Variants in ZBED4 observed in about 807,000 individuals in gnomAD.
ZBED4 encodes the protein zinc finger BED domain-containing protein 4.
Under a neutral mutation model 15.5 loss-of-function variants are expected in ZBED4, and 4 were observed. The observed-to-expected ratio is 0.26, with a 90% CI of 0.13 to 0.59. The LOEUF is 0.59. ZBED4 is among the 20% of genes least tolerant of loss of function. The probability of loss-of-function intolerance (pLI) is 0.90; values close to 1 mark genes in which losing one functional copy is unlikely to be tolerated. For missense variants in ZBED4, 1,323 were observed against 1,461.8 expected, an observed-to-expected ratio of 0.91 and a Z score of 1.55; for synonymous variants, 692 against 608.5, an observed-to-expected ratio of 1.14 and a Z score of -2.02.
At position 49,888,132 on chromosome 22, in the gene ZBED4, A is replaced by G. The variant is rs1207126383; in HGVS notation, c.*954A>G. ...TTGTAAGAATAGCCTTAGTGTTTAG[A>G]TTTTTTTATGATAGGGAAGATGCGG... On this transcript the variant is annotated 3_prime_UTR_variant, in exon 2 of 2. Transcript: ENST00000216268. 6.0e-6 allele frequency: 1 copy of G among 167,176 alleles called. No individual in the cohort carries two copies. The highest frequency in any genetic ancestry group is 6.5e-5 in the Admixed American group (1 of 15,284). 10.4% of individuals were successfully genotyped at this position (167,176 alleles called of 1,614,324 possible). A position where few individuals can be genotyped will look rare whatever the true frequency, so the allele number is the denominator to read the frequency against.
At chr22:49,865,758 A>G (rs1262688849) in intron 1 of ZBED4, among the ~76,000 whole-genome samples, 1 of 151,746 alleles carries the variant, frequency 6.6e-6, no homozygotes, top group Non-Finnish European at 1.5e-5. Flanking sequence ...GGAAGGACTC[A>G]TGGAACAAGA....
intron 1 of ZBED4, among the ~76,000 whole-genome samples, chr22:49,862,383 C>T (rs755352778): frequency 1.7e-4 from 26 of 152,240 alleles, no homozygotes; most frequent in African/African-American, 5.3e-4. Flanking sequence ...GGACTACGGG[C>T]GTAAGCCACT....
chr22:49,869,283 C>T (rs187053041), intron 1 of ZBED4, among the ~76,000 whole-genome samples: 22 of 152,224 alleles, frequency 1.4e-4, no homozygotes, highest in Admixed American at 4.6e-4. Flanking sequence ...CTAGTGCTTC[C>T]GCTGGAAGGG....
In ZBED4 at chr22:49,884,702, G is replaced by A; in HGVS notation, c.1040G>A (p.Gly347Asp). The A allele has an allele frequency of 6.3e-7, 1 of 1,597,152 alleles. No individual in the cohort carries two copies. Among genetic ancestry groups the A allele is most frequent in the East Asian group, 2.2e-5 (1 of 44,786 alleles). Residue 347 changes from glycine to aspartate, a missense_variant, in exon 2 of 2, where the codon GGC becomes GAC. Gly to Asp is a moderately conservative substitution (Grantham distance 94, BLOSUM62 -1). Coordinates refer to ENST00000216268, the MANE Select transcript of ZBED4 (RefSeq NM_014838.3). ...AIVLQENGGT[G>D]IPPLYSTPPT... ...GTGTTGCAGGAGAACGGGGGCACGG[G>A]CATCCCGCCACTGTACTCCACCCCT...
At position 49,883,616 on chromosome 22, in the gene ZBED4, C is replaced by T; in HGVS notation, c.-47C>T. The T allele has an allele frequency of 6.8e-7, 1 of 1,476,916 alleles. No individual in the cohort carries two copies. Among genetic ancestry groups the T allele is most frequent in the East Asian group, 2.3e-5 (1 of 43,572 alleles). The allele number at this position is 1,476,916 out of a possible 1,614,324, so 91.5% of individuals were successfully genotyped here. A position where few individuals can be genotyped will look rare whatever the true frequency, so the allele number is the denominator to read the frequency against. On this transcript the variant is annotated 5_prime_UTR_variant, in exon 2 of 2. Coordinates refer to ENST00000216268, the MANE Select transcript of ZBED4 (RefSeq NM_014838.3). ...CGGGGGCACAAATGAGCACTTGGATCAGTGTTTTATGAACCTAAGATACAG... is the reference window on the plus strand; with the variant it reads ...CGGGGGCACAAATGAGCACTTGGATTAGTGTTTTATGAACCTAAGATACAG...
chr22:49,878,301 C>CAAA (rs71196388), intron 1 of ZBED4, among the ~76,000 whole-genome samples: 68,933 of 106,594 alleles, frequency 0.65, 23,674 homozygotes, highest in East Asian at 0.82. Context: ...GACACTGTCT[C>CAAA]AAAAAAAAAA....
Position 49,883,403 on chromosome 22 carries a change from C to G in ZBED4, c.-260C>G. The G allele has an allele frequency of 2.9e-6, 1 of 340,898 alleles. No homozygotes were observed. The highest frequency in any genetic ancestry group is 4.4e-5 in the Admixed American group (1 of 22,948). The allele number at this position is 340,898 out of a possible 1,614,324, so 21.1% of individuals were successfully genotyped here. ...GATCCTGTCCTCAGGACCAGAAGCA[C>G]GTCTCTGCTGCACACATTGTTGTCT... On this transcript the variant is annotated 5_prime_UTR_variant, in exon 2 of 2. Coordinates refer to ENST00000216268, the MANE Select transcript of ZBED4 (RefSeq NM_014838.3).
Position 49,886,795 on chromosome 22 carries a change from G to C in ZBED4, c.3133G>C (p.Ala1045Pro), listed in dbSNP as rs753750726. 6.2e-7 allele frequency: 1 copy of C among 1,612,858 alleles called. No individual in the cohort carries two copies. Among genetic ancestry groups the C allele is most frequent in the Non-Finnish European group, 8.5e-7 (1 of 1,179,386 alleles). Reference protein sequence around the residue: ...LMNSTSEDVAASHRCDAGSPS... With the variant: ...LMNSTSEDVAPSHRCDAGSPS... ...GAATTCTACCTCAGAGGACGTGGCT[G>C]CCTCCCACAGGTGTGATGCTGGCTC... Residue 1045 changes from alanine (A) to proline (P), a missense_variant, in exon 2 of 2, where the codon GCC becomes CCC. By Grantham distance (27) the Ala-to-Pro change is conservative (BLOSUM62 -1). Transcript: ENST00000216268. The surrounding 1 kb of genome is among the most constrained non-coding windows in gnomAD (Gnocchi z 7.7).
In ZBED4 at chr22:49,885,097, T is replaced by C. The variant is rs200609130; in HGVS notation, c.1435T>C (p.Tyr479His). ...GGACAGCCTCAAGGCCGAGTGTCGG[T>C]ACTGCGGCTGTGCCATCAGCCGGGG... Reference protein sequence around the residue: ...PMDSLKAECRYCGCAISRGKK... With the variant: ...PMDSLKAECRHCGCAISRGKK... The change falls in exon 2 of 2, where the codon TAC becomes CAC. Residue 479 changes from tyrosine (Y) to histidine (H), a missense_variant. Around this residue, in one of 6 missense-constraint regions of ZBED4, gnomAD observed 429 missense variants for 397.9 expected, o/e 1.08. Coordinates refer to ENST00000216268, the MANE Select transcript of ZBED4 (RefSeq NM_014838.3). 1.9e-6 allele frequency: 3 copies of C among 1,613,752 alleles called. No individual in the cohort carries two copies. In the Admixed American group the frequency reaches 5.0e-5, roughly 27 times the overall value.
chr22:49,856,321 C>T (rs949834536), intron 1 of ZBED4, among the ~76,000 whole-genome samples: 4 of 152,212 alleles, frequency 2.6e-5, no homozygotes, highest in Middle Eastern at 3.2e-3. Flanking sequence ...TGAGGAGCAG[C>T]GTAAACCAGA....
chr22:49,887,270 T>C lies in ZBED4; in HGVS notation c.*92T>C, dbSNP rs554043744. 5.5e-5 allele frequency: 76 copies of C among 1,380,608 alleles called. No individual in the cohort carries two copies. The highest frequency in any genetic ancestry group is 7.2e-5 in the Non-Finnish European group (73 of 1,012,324). 85.5% of individuals were successfully genotyped at this position (1,380,608 alleles called of 1,614,324 possible). A position where few individuals can be genotyped will look rare whatever the true frequency, so the allele number is the denominator to read the frequency against. On this transcript the variant is annotated 3_prime_UTR_variant, in exon 2 of 2. Coordinates refer to ENST00000216268, the MANE Select transcript of ZBED4 (RefSeq NM_014838.3). ...ATGACCCGCTCTGCCCACGGCTGTGTACGACATCAGACCAGGCACTCTCAG... is the reference window on the plus strand; with the variant it reads ...ATGACCCGCTCTGCCCACGGCTGTGCACGACATCAGACCAGGCACTCTCAG...
At position 49,885,437 on chromosome 22, in the gene ZBED4, C is replaced by T. The variant is rs148466799; in HGVS notation, c.1775C>T (p.Pro592Leu). The T allele has an allele frequency of 4.3e-5, 70 of 1,609,780 alleles. No individual in the cohort carries two copies. Among genetic ancestry groups the T allele is most frequent in the Non-Finnish European group, 5.7e-5 (67 of 1,176,330 alleles). The change falls in exon 2 of 2, where the codon CCG (proline) becomes CTG (leucine). Residue 592 changes from proline to leucine, a missense_variant. By Grantham distance (98) the Pro-to-Leu change is moderately conservative. Around this residue, in one of 6 missense-constraint regions of ZBED4, gnomAD observed 429 missense variants for 397.9 expected, o/e 1.08. Transcript: ENST00000216268. ...CGRTISRGKK[P>L]TNLGTSCLLR... ...CGGACCATCAGCCGGGGGAAGAAGC[C>T]GACTAACTTGGGTACCAGCTGTCTT...
chr22:49,885,135 T>G lies in ZBED4; in HGVS notation c.1473T>G (p.Asp491Glu), dbSNP rs2060430913. 7 of 1,614,086 alleles carry G rather than the reference T, an allele frequency of 4.3e-6. No individual in the cohort carries two copies. Among genetic ancestry groups the G allele is most frequent in the Non-Finnish European group, 5.1e-6 (6 of 1,179,982 alleles). The change falls in exon 2 of 2, where the codon GAT becomes GAG. Residue 491 changes from aspartate (D) to glutamate (E), a missense_variant. This residue lies in a region of ZBED4 where 429 missense variants were observed against 397.9 expected (regional missense o/e 1.08). Coordinates refer to ENST00000216268, the MANE Select transcript of ZBED4 (RefSeq NM_014838.3). ...GCAISRGKKG[D>E]VGTSCLMRHL... ...CCATCAGCCGGGGGAAGAAGGGTGA[T>G]GTGGGCACCAGCTGCCTGATGAGAC... is the stretch of plus-strand genomic sequence containing the variant.
intron 1 of ZBED4, among the ~76,000 whole-genome samples, chr22:49,879,201 T>C (rs1292394727): frequency 6.7e-6 from 1 of 149,062 alleles, no homozygotes; most frequent in East Asian, 2.0e-4. Context: ...CTCGGCTCAC[T>C]GTAACTTGCG....
intron 1 of ZBED4, among the ~76,000 whole-genome samples, chr22:49,871,512 A>G (rs928140046): frequency 6.6e-6 from 1 of 152,208 alleles, no homozygotes; most frequent in Non-Finnish European, 1.5e-5. Flanking sequence ...CATTTTCAGT[A>G]TAATGTAGTC....
At chr22:49,865,388 G>C (rs529359331) in intron 1 of ZBED4, among the ~76,000 whole-genome samples, 3 of 152,006 alleles carry the variant, frequency 2.0e-5, no homozygotes, top group Admixed American at 2.0e-4. Flanking sequence ...AGTGGCTCAC[G>C]CCTCTAATCC....
intron 1 of ZBED4, among the ~76,000 whole-genome samples, chr22:49,857,523 G>C (rs1301966254): frequency 6.6e-6 from 1 of 152,234 alleles, no homozygotes; most frequent in Non-Finnish European, 1.5e-5. Context: ...TGACAGAGCA[G>C]CTCTGACTCC....
intron 1 of ZBED4, among the ~76,000 whole-genome samples, chr22:49,863,889 T>C (rs891982717): frequency 2.0e-5 from 3 of 152,200 alleles, no homozygotes; most frequent in Admixed American, 2.0e-4. Context: ...TTTGGGATGT[T>C]AAATTCTGTC....
In ZBED4 at chr22:49,884,711, C is replaced by T; in HGVS notation, c.1049C>T (p.Pro350Leu). The change falls in exon 2 of 2, where the codon CCA becomes CTA. Residue 350 changes from proline (P) to leucine (L), a missense_variant. This residue lies in a region of ZBED4 where 429 missense variants were observed against 397.9 expected (regional missense o/e 1.08). Coordinates refer to ENST00000216268, the MANE Select transcript of ZBED4 (RefSeq NM_014838.3). ...GAGAACGGGGGCACGGGCATCCCGC[C>T]ACTGTACTCCACCCCTCCCACTCTG... Reference protein sequence around the residue: ...LQENGGTGIPPLYSTPPTLLP... With the variant: ...LQENGGTGIPLLYSTPPTLLP... 6.3e-7 allele frequency: 1 copy of T among 1,596,892 alleles called. No individual in the cohort carries two copies. The highest frequency in any genetic ancestry group is 8.5e-7 in the Non-Finnish European group (1 of 1,170,452).
Sources: allele counts gnomAD v4.1 joint callset (sites outside exome capture counted in the v4.1 genomes callset), GRCh38; gene constraint gnomAD v4.1.1; regional missense constraint gnomAD v4.1.1; non-coding constraint Gnocchi (gnomAD v3.1); transcripts MANE v1.5; gene names NCBI Gene and HGNC (gene_info 2026-07-23, HGNC 2026-07-21).